DTWD1: variants seen among roughly 807,000 people sequenced by gnomAD.
DTWD1 encodes the protein DTW motif tRNA-uridine aminocarboxypropyltransferase 1.
In DTWD1, 27 loss-of-function variants were observed where a neutral mutation model predicts 30.2. That is an observed-to-expected ratio of 0.90 (90% CI 0.66 to 1.23). The LOEUF is 1.23. Among genes scored for constraint, DTWD1 ranks in the 50% most tolerant of loss-of-function variants. The pLI is 0.00. For missense variants in DTWD1, 342 were observed against 348.8 expected (o/e 0.98, Z 0.15); for synonymous variants, 99 against 113.1 (o/e 0.88, Z 0.79).
At chr15:49,633,049 C>CTATCTATATATATATATA (rs2078947255) in intron 3 of DTWD1, among the ~76,000 whole-genome samples, 5 of 117,316 alleles carry the variant, frequency 4.3e-5, no homozygotes, top group South Asian at 2.7e-4. Context: ...ATATCTATAT[C>CTATCTATATATATATATA]TATATATATA....
intron 4 of DTWD1, among the ~76,000 whole-genome samples, chr15:49,636,527 C>G (rs1333297259): frequency 6.6e-6 from 1 of 152,012 alleles, no homozygotes; most frequent in Admixed American, 6.6e-5. Context: ...TATCTTTAGT[C>G]TCTTTTAATC....
At chr15:49,632,092 C>A in intron 2 of DTWD1, 67 bp from the exon 3 acceptor site, 1 of 1,331,258 alleles carries the variant, frequency 7.5e-7, no homozygotes, top group South Asian at 1.5e-5. Flanking sequence ...GCTTTAAAGA[C>A]CCTTTTTATT....
chr15:49,642,242 T>C (rs1481773491), intron 4 of DTWD1, among the ~76,000 whole-genome samples: 1 of 152,134 alleles, frequency 6.6e-6, no homozygotes, highest in Non-Finnish European at 1.5e-5. Context: ...CTCTTTTATT[T>C]CTCACTTTAA....
intron 2 of DTWD1, chr15:49,630,794 A>G (rs1278255626): frequency 5.7e-6 from 1 of 175,834 alleles, no homozygotes; most frequent in East Asian, 1.7e-4. Flanking sequence ...GCTGCTGGAG[A>G]GCAAGCGAAG....
At position 49,633,043 on chromosome 15, in the gene DTWD1, C is replaced by CTATCTATATATATATATATATATA. The variant is rs1555588572; in HGVS notation, c.408+744_408+745insCTATATATATATATATATATATAT. ...TAAATTTTTACTTTCCTATTTATAT[C>CTATCTATATATATATATATATATA]TATATCTATATATATATATATATAT... On this transcript the variant is annotated intron_variant, in intron 3 of 4. Transcript: ENST00000403028. 4.9e-4 allele frequency among the ~76,000 whole-genome samples: 63 copies of CTATCTATATATATATATATATATA among 129,424 alleles called. 1 individual carries two copies. Among genetic ancestry groups the CTATCTATATATATATATATATATA allele is most frequent in the South Asian group, 1.5e-3 (6 of 3,964 alleles). The allele number at this position is 129,424 out of a possible 152,430, so 84.9% of individuals were successfully genotyped here. A position where few individuals can be genotyped will look rare whatever the true frequency, so the allele number is the denominator to read the frequency against.
chr15:49,634,433 C>A lies in DTWD1; in HGVS notation c.409-103C>A. ...AATAGAACCAACCTAATGCTTATTT[C>A]TCAGATATTCAACATATCTTTCTTA... On this transcript the variant is annotated intron_variant, in intron 3 of 4. Coordinates refer to ENST00000403028, the MANE Select transcript of DTWD1 (RefSeq NM_001144955.2). 6.2e-6 allele frequency: 8 copies of A among 1,300,264 alleles called. No individual in the cohort carries two copies. The South Asian group carries it at 1.4e-4, about 23-fold the overall frequency. 80.5% of individuals were successfully genotyped at this position (1,300,264 alleles called of 1,614,324 possible).
chr15:49,644,258 T>G lies in DTWD1; in HGVS notation c.*680T>G, dbSNP rs2079099666. ...TACCTGAAATATAGTAAGTGTTACATATATGTTTACTCTTTTTATTTTATT... is the reference window on the plus strand; with the variant it reads ...TACCTGAAATATAGTAAGTGTTACAGATATGTTTACTCTTTTTATTTTATT... On this transcript the variant is annotated 3_prime_UTR_variant, in exon 5 of 5. Coordinates refer to ENST00000403028, the MANE Select transcript of DTWD1 (RefSeq NM_001144955.2). The G allele has an allele frequency of 6.6e-6, 1 of 152,308 alleles. No homozygotes were observed. The highest frequency in any genetic ancestry group is 2.4e-5 in the African/African-American group (1 of 41,574). The allele number at this position is 152,308 out of a possible 1,614,324, so 9.4% of individuals were successfully genotyped here.
rs1303117956 is a variant in DTWD1 at position 49,648,205 on chromosome 15, A to G, written c.*4627A>G. 2.0e-5 allele frequency: 3 copies of G among 152,220 alleles called. No individual in the cohort carries two copies. Among genetic ancestry groups the G allele is most frequent in the Non-Finnish European group, 4.4e-5 (3 of 68,044 alleles). 9.4% of individuals were successfully genotyped at this position (152,220 alleles called of 1,614,324 possible). ...AGATGGAATGAAAGTCTATTCATAC[A>G]CTGTATATTAAGCTCTATATACACT... On this transcript the variant is annotated 3_prime_UTR_variant, in exon 5 of 5. Coordinates refer to ENST00000403028, the MANE Select transcript of DTWD1 (RefSeq NM_001144955.2).
chr15:49,633,049 C>CTATATCTATATCTATCTATCTATA (rs774517463), intron 3 of DTWD1, among the ~76,000 whole-genome samples: 6 of 117,316 alleles, frequency 5.1e-5, no homozygotes, highest in African/African-American at 2.0e-4. Context: ...ATATCTATAT[C>CTATATCTATATCTATCTATCTATA]TATATATATA....
rs968045232 is a variant in DTWD1, at chr15:49,651,834, TG to T, written c.*8258del. ...TTTTATGGAAAACCAAGCGCAGGAG[TG>T]GACCCATATCCACAGGATCCACTAA... On this transcript the variant is annotated 3_prime_UTR_variant, in exon 5 of 5. Transcript: ENST00000403028. The T allele has an allele frequency of 6.6e-6, 1 of 151,742 alleles. No individual in the cohort carries two copies. Among genetic ancestry groups the T allele is most frequent in the African/African-American group, 2.4e-5 (1 of 41,292 alleles). 9.4% of individuals were successfully genotyped at this position (151,742 alleles called of 1,614,324 possible). A position where few individuals can be genotyped will look rare whatever the true frequency, so the allele number is the denominator to read the frequency against.
rs1461340925 is a variant in DTWD1, at chr15:49,648,228, A to C, written c.*4650A>C. On this transcript the variant is annotated 3_prime_UTR_variant, in exon 5 of 5. Transcript: ENST00000403028. ...ACACTGTATATTAAGCTCTATATAC[A>C]CTGCATATCATCATCATGACATTGA... The C allele has an allele frequency of 6.6e-6, 1 of 152,158 alleles. No individual in the cohort carries two copies. Among genetic ancestry groups the C allele is most frequent in the Non-Finnish European group, 1.5e-5 (1 of 68,026 alleles). 9.4% of individuals were successfully genotyped at this position (152,158 alleles called of 1,614,324 possible). A position where few individuals can be genotyped will look rare whatever the true frequency, so the allele number is the denominator to read the frequency against.
Position 49,622,831 on chromosome 15 carries a change from A to G in DTWD1, c.-56+1709A>G, listed in dbSNP as rs142262938. On this transcript the variant is annotated intron_variant, in intron 1 of 4. Coordinates refer to ENST00000403028, the MANE Select transcript of DTWD1 (RefSeq NM_001144955.2). ...GGCCACCTCAGCCATAAGTGAGAGT[A>G]TATAGGTGAACTAAGAGGTGGAGCC... is the stretch of plus-strand genomic sequence containing the variant. Among the ~76,000 whole-genome samples, 143 of 152,318 alleles carry G rather than the reference A, an allele frequency of 9.4e-4. 1 individual carries two copies. Among genetic ancestry groups the G allele is most frequent in the African/African-American group, 3.4e-3 (141 of 41,574 alleles).
Position 49,655,892 on chromosome 15 carries a change from C to T in DTWD1, c.*12314C>T, listed in dbSNP as rs2079174290. The T allele has an allele frequency of 1.3e-5, 2 of 151,914 alleles. No individual in the cohort carries two copies. Among genetic ancestry groups the T allele is most frequent in the South Asian group, 4.2e-4 (2 of 4,818 alleles). The allele number at this position is 151,914 out of a possible 1,614,324, so 9.4% of individuals were successfully genotyped here. ...AAGATATGCCATCTACATAATTTAC[C>T]TTCCTCTCTAGGCCCATCATAAAAA... On this transcript the variant is annotated 3_prime_UTR_variant, in exon 5 of 5. Coordinates refer to ENST00000403028, the MANE Select transcript of DTWD1 (RefSeq NM_001144955.2).
rs2079164256 is a variant in DTWD1 at position 49,653,552 on chromosome 15, A to T, written c.*9974A>T. On this transcript the variant is annotated 3_prime_UTR_variant, in exon 5 of 5. Transcript: ENST00000403028. ...AGCTGCCAGCTAAGCCTTGAAGAAT[A>T]GTGAACAAACTCTTACTGGAGGATG... 1 of 152,214 alleles carries T rather than the reference A, an allele frequency of 6.6e-6. No individual in the cohort carries two copies. The highest frequency in any genetic ancestry group is 1.5e-5 in the Non-Finnish European group (1 of 68,032). 9.4% of individuals were successfully genotyped at this position (152,214 alleles called of 1,614,324 possible). A position where few individuals can be genotyped will look rare whatever the true frequency, so the allele number is the denominator to read the frequency against.
In DTWD1 at chr15:49,624,966, A is replaced by C. The variant is rs550020624; in HGVS notation, c.-55-147A>C. On this transcript the variant is annotated intron_variant, in intron 1 of 4. Coordinates refer to ENST00000403028, the MANE Select transcript of DTWD1 (RefSeq NM_001144955.2). ...TTATTGCTTTTAATCTTATGTTTTA[A>C]AGTGTGCCAATTTGGTGGTTTAAAA... 3 of 532,468 alleles carry C rather than the reference A, an allele frequency of 5.6e-6. No individual in the cohort carries two copies. The East Asian group carries it at 9.3e-5, about 17-fold the overall frequency. The allele number at this position is 532,468 out of a possible 1,614,324, so 33.0% of individuals were successfully genotyped here.
intron 2 of DTWD1, among the ~76,000 whole-genome samples, chr15:49,631,270 A>G (rs1441877092): frequency 6.6e-6 from 1 of 152,172 alleles, no homozygotes; most frequent in Non-Finnish European, 1.5e-5. Flanking sequence ...TTTGTGATAT[A>G]AAGATTACAC....
At chr15:49,631,086 A>G (rs1433461776) in intron 2 of DTWD1, 1 of 333,802 alleles carries the variant, frequency 3.0e-6, no homozygotes. Context: ...TTCATTATAT[A>G]TTATAATGTA....
chr15:49,633,049 C>CTACATATATATATATA (rs2078947206), intron 3 of DTWD1, among the ~76,000 whole-genome samples: 1 of 117,316 alleles, frequency 8.5e-6, no homozygotes, highest in Non-Finnish European at 1.7e-5. Context: ...ATATCTATAT[C>CTACATATATATATATA]TATATATATA....
Position 49,625,336 on chromosome 15 carries a change from A to T in DTWD1, c.169A>T (p.Lys57Ter), listed in dbSNP as rs370882976. The T allele has an allele frequency of 1.5e-4, 242 of 1,613,690 alleles. No individual in the cohort carries two copies. Among genetic ancestry groups the T allele is most frequent in the Middle Eastern group, 5.0e-4 (3 of 6,056 alleles). ...AAAAGCTCAGCAAAGTGGGAGATCA[A>T]AATGTCTCAAATGTGGTGGTTCCAG... Reference protein sequence around the residue: ...LQKAQQSGRSKCLKCGGSRMF... With the variant: ...LQKAQQSGRS Residue 57 changes from lysine (K) to a stop codon, truncating the protein, a stop_gained, in exon 2 of 5, where the codon AAA becomes TAA. Coordinates refer to ENST00000403028, the MANE Select transcript of DTWD1 (RefSeq NM_001144955.2). LOFTEE classifies it high-confidence loss of function.
Sources: allele counts gnomAD v4.1 joint callset (sites outside exome capture counted in the v4.1 genomes callset), GRCh38; gene constraint gnomAD v4.1.1; transcripts MANE v1.5; gene names NCBI Gene and HGNC (gene_info 2026-07-23, HGNC 2026-07-21).